Variants in MED17 observed in about 807,000 individuals in gnomAD.
The protein encoded by MED17 is mediator of RNA polymerase II transcription subunit 17.
Under a neutral mutation model 80.8 loss-of-function variants are expected in MED17, and 49 were observed. The ratio of observed to expected loss-of-function variants is 0.61; its 90% CI spans 0.48 to 0.77. The LOEUF (loss-of-function observed/expected upper bound fraction) is 0.77, where lower values mean the gene tolerates loss of function less well. MED17 is among the 30% of genes least tolerant of loss of function. The probability of loss-of-function intolerance (pLI) is 0.00; values close to 1 mark genes in which losing one functional copy is unlikely to be tolerated. For missense variants in MED17, 718 were observed against 787.0 expected (o/e 0.91, Z 1.05); for synonymous variants, 281 against 280.4 (o/e 1.00, Z -0.02).
intron 9 of MED17, among the ~76,000 whole-genome samples, chr11:93,804,009 A>G (rs1232634938): frequency 5.3e-5 from 1 of 18,772 alleles, no homozygotes; most frequent in Admixed American, 9.7e-4. Flanking sequence ...GTATATATAT[A>G]TATATATATA....
chr11:93,809,319 C>T, intron 10 of MED17: 1 of 323,432 alleles, frequency 3.1e-6, no homozygotes, highest in Non-Finnish European at 6.1e-6. Context: ...CTGAACCCAG[C>T]CCAAAGCCAG....
chr11:93,794,875 A>G (rs1943883672), intron 5 of MED17, 33 bp from the exon 6 acceptor site: 1 of 1,607,156 alleles, frequency 6.2e-7, no homozygotes, highest in Non-Finnish European at 8.5e-7. Flanking sequence ...TAATATGGTT[A>G]GATAATTGAT....
intron 2 of MED17, chr11:93,789,093 C>G (rs1389111161): frequency 6.6e-6 from 1 of 152,012 alleles, no homozygotes; most frequent in African/African-American, 2.4e-5. Flanking sequence ...CTACTTGGGT[C>G]CTTAAGGAAA....
chr11:93,804,040 TACACACGCAC>T (rs1943998292), intron 9 of MED17, among the ~76,000 whole-genome samples: 1 of 86,560 alleles, frequency 1.2e-5, no homozygotes, highest in Non-Finnish European at 2.7e-5. Flanking sequence ...CACACACATA[TACACACGCAC>T]ACACACACAC....
chr11:93,799,544 G>T (rs1039221699), intron 8 of MED17, among the ~76,000 whole-genome samples: 1 of 152,112 alleles, frequency 6.6e-6, no homozygotes, highest in African/African-American at 2.4e-5. Flanking sequence ...CAGCACTCAG[G>T]GAGGCTGGGC....
rs758004396 is a variant in MED17 at position 93,784,725 on chromosome 11, C to T, written c.212C>T (p.Pro71Leu). Reference protein sequence around the residue: ...AGTEGDAQEWPGAGSSADQDD... With the variant: ...AGTEGDAQEWLGAGSSADQDD... ...ACCGAGGGCGACGCGCAGGAGTGGCCGGGCGCCGGGTCCAGCGCAGACCAG... is the reference window on the plus strand; with the variant it reads ...ACCGAGGGCGACGCGCAGGAGTGGCTGGGCGCCGGGTCCAGCGCAGACCAG... Residue 71 changes from proline (P) to leucine (L), a missense_variant, in exon 1 of 12, where the codon CCG becomes CTG. Pro to Leu is a moderately conservative substitution (Grantham distance 98). Transcript: ENST00000251871. 24 of 1,544,290 alleles carry T rather than the reference C, an allele frequency of 1.6e-5. No homozygotes were observed. The highest frequency in any genetic ancestry group is 1.8e-4 in the Middle Eastern group (1 of 5,470).
At position 93,807,511 on chromosome 11, in the gene MED17, T is replaced by C. The variant is rs1448001157; in HGVS notation, c.1467-7T>C. On this transcript the variant is annotated splice_region_variant and splice_polypyrimidine_tract_variant and intron_variant, in intron 9 of 11. Coordinates refer to ENST00000251871, the MANE Select transcript of MED17 (RefSeq NM_004268.5). ...ATCTCTGATTTTTAGTATGTGTGTCTATAAAGGTCCATTCAACTGCAATTG... is the reference window on the plus strand; with the variant it reads ...ATCTCTGATTTTTAGTATGTGTGTCCATAAAGGTCCATTCAACTGCAATTG... 12 of 1,497,532 alleles carry C rather than the reference T, an allele frequency of 8.0e-6. No individual in the cohort carries two copies. The highest frequency in any genetic ancestry group is 1.1e-5 in the Non-Finnish European group (12 of 1,074,052). The allele number at this position is 1,497,532 out of a possible 1,614,324, so 92.8% of individuals were successfully genotyped here. A position where few individuals can be genotyped will look rare whatever the true frequency, so the allele number is the denominator to read the frequency against.
At chr11:93,804,024 T>TATATAC (rs1565293306) in intron 9 of MED17, among the ~76,000 whole-genome samples, 1 of 12,360 alleles carries the variant, frequency 8.1e-5, no homozygotes, top group African/African-American at 1.1e-4. Context: ...TATATATATA[T>TATATAC]ATACACACAC....
In MED17 at chr11:93,797,564, G is replaced by C. The variant is rs1291242241; in HGVS notation, c.1173G>C (p.Met391Ile). ...ATAAACAGACCTTGAGTTCCATCAT[G>C]ATGCCTCATCCAGCAAGTGCACCTT... Reference protein sequence around the residue: ...EFHKQTLSSIMMPHPASAPFG... With the variant: ...EFHKQTLSSIIMPHPASAPFG... Residue 391 changes from methionine to isoleucine, a missense_variant, in exon 8 of 12, where the codon ATG becomes ATC. Coordinates refer to ENST00000251871, the MANE Select transcript of MED17 (RefSeq NM_004268.5). The C allele has an allele frequency of 6.8e-6, 11 of 1,614,126 alleles. No individual in the cohort carries two copies. The highest frequency in any genetic ancestry group is 8.5e-6 in the Non-Finnish European group (10 of 1,179,990).
chr11:93,800,502 G>A (rs368841169), intron 8 of MED17, among the ~76,000 whole-genome samples: 1 of 151,828 alleles, frequency 6.6e-6, no homozygotes, highest in South Asian at 2.1e-4. Flanking sequence ...GGTGGCACAC[G>A]CCTGTAGTCC....
chr11:93,809,358 C>CGT (rs1565295014), intron 10 of MED17: 1 of 359,146 alleles, frequency 2.8e-6, no homozygotes. Flanking sequence ...AATGTAACCA[C>CGT]GTGTGTCAGC....
chr11:93,784,889 G>A, intron 1 of MED17, 126 bp downstream of exon 1: 1 of 1,330,124 alleles, frequency 7.5e-7, no homozygotes, highest in East Asian at 2.5e-5. Flanking sequence ...TCTAGCGGAA[G>A]CGTAAGGATA....
Position 93,784,669 on chromosome 11 carries a change from T to C in MED17, c.156T>C (p.Gly52=), listed in dbSNP as rs1338108147. 6.4e-7 allele frequency: 1 copy of C among 1,561,404 alleles called. No individual in the cohort carries two copies. The highest frequency in any genetic ancestry group is 2.4e-5 in the East Asian group (1 of 42,416). ...RLAQRIDFSQ[G]SGSEEEEAAG... is the part of the protein sequence containing the mutation. Reference sequence around the variant, plus strand: ...CCCAGCGGATAGACTTCAGCCAGGGTTCGGGCTCCGAGGAGGAGGAGGCGG... The same window carrying C: ...CCCAGCGGATAGACTTCAGCCAGGGCTCGGGCTCCGAGGAGGAGGAGGCGG... Residue 52 remains glycine (G), a synonymous_variant, in exon 1 of 12, where the codon GGT becomes GGC. Transcript: ENST00000251871.
chr11:93,794,256 G>A (rs1049568655), intron 5 of MED17: 1 of 410,296 alleles, frequency 2.4e-6, no homozygotes, highest in Non-Finnish European at 4.4e-6. Flanking sequence ...CCAGGCTAGA[G>A]TGCAATGGCG....
intron 9 of MED17, 107 bp from the exon 10 acceptor site, chr11:93,807,411 T>A: frequency 1.3e-6 from 1 of 770,010 alleles, no homozygotes; most frequent in Non-Finnish European, 2.3e-6. Context: ...TGAGACTTTG[T>A]CTAAAAAATA....
At position 93,805,358 on chromosome 11, in the gene MED17, G is replaced by A. The variant is rs539520056; in HGVS notation, c.1467-2160G>A. Among the ~76,000 whole-genome samples the A allele has an allele frequency of 2.3e-3, 346 of 152,282 alleles. 2 individuals are homozygous for A. The highest frequency in any genetic ancestry group is 7.9e-3 in the African/African-American group (330 of 41,552). The stretch of plus-strand genomic sequence containing the variant: ...TGCCTGTATCCCCAGCATTTTGGGC[G>A]GAGCACTTGAGGCCAGGAGTTCAAG... On this transcript the variant is annotated intron_variant, in intron 9 of 11. Coordinates refer to ENST00000251871, the MANE Select transcript of MED17 (RefSeq NM_004268.5).
rs34999646 is a variant in MED17, at chr11:93,794,266, G to A, written c.859+231G>A. On this transcript the variant is annotated intron_variant, in intron 5 of 11. Coordinates refer to ENST00000251871, the MANE Select transcript of MED17 (RefSeq NM_004268.5). ...GTTGCCCAGGCTAGAGTGCAATGGC[G>A]CAGTCTCGGCTCACCGCAACGTCTA... The A allele has an allele frequency of 6.2e-3, 2,466 of 395,358 alleles. 19 individuals carry two copies. Among genetic ancestry groups the A allele is most frequent in the Non-Finnish European group, 9.7e-3 (2,075 of 214,772 alleles). 24.5% of individuals were successfully genotyped at this position (395,358 alleles called of 1,614,324 possible). A position where few individuals can be genotyped will look rare whatever the true frequency, so the allele number is the denominator to read the frequency against.
intron 11 of MED17, 114 bp from the exon 12 acceptor site, chr11:93,811,739 T>C: frequency 1.0e-6 from 1 of 952,530 alleles, no homozygotes; most frequent in Non-Finnish European, 1.6e-6. Context: ...CAAGAATATT[T>C]AAGTTGGTAG....
At chr11:93,807,873 C>G in intron 10 of MED17, 1 of 519,682 alleles carries the variant, frequency 1.9e-6, no homozygotes, top group Non-Finnish European at 3.5e-6. Context: ...AGGACCAGTT[C>G]TGAGACTAGC....
Sources: allele counts gnomAD v4.1 joint callset (sites outside exome capture counted in the v4.1 genomes callset), GRCh38; gene constraint gnomAD v4.1.1; transcripts MANE v1.5; gene names NCBI Gene and HGNC (gene_info 2026-07-23, HGNC 2026-07-21).